The following PDZRN3 variants were observed in gnomAD, a reference collection of about 807,000 sequenced individuals.
PDZRN3 encodes PDZ domain containing ring finger 3.
Under a neutral mutation model 85.7 loss-of-function variants are expected in PDZRN3, and 38 were observed. The ratio of observed to expected loss-of-function variants is 0.44; its 90% CI spans 0.34 to 0.58. PDZRN3 has a LOEUF of 0.58. PDZRN3 is among the 20% of genes least tolerant of loss of function. The pLI, the probability that PDZRN3 is intolerant of heterozygous loss-of-function variation, is 0.01. For missense variants in PDZRN3, 1,629 were observed against 1,506.4 expected, an observed-to-expected ratio of 1.08 and a Z score of -1.35; for synonymous variants, 759 against 638.0, an observed-to-expected ratio of 1.19 and a Z score of -2.86.
intron 3 of PDZRN3, among the ~76,000 whole-genome samples, chr3:73,442,245 G>C (rs1022445552): frequency 2.6e-5 from 4 of 152,186 alleles, no homozygotes; most frequent in African/African-American, 9.7e-5. Flanking sequence ...GAAACCAATG[G>C]AGATGCATGG....
At chr3:73,540,087 GAAAAAA>G (rs1168662549) in intron 3 of PDZRN3, among the ~76,000 whole-genome samples, 270 of 50,072 alleles carry the variant, frequency 5.4e-3, no homozygotes, top group African/African-American at 0.019. Context: ...ACTGTTGGAT[GAAAAAA>G]AAAAAAAAAA....
intron 3 of PDZRN3, among the ~76,000 whole-genome samples, chr3:73,476,577 C>T (rs576018583): frequency 8.3e-4 from 126 of 152,304 alleles, no homozygotes; most frequent in Non-Finnish European, 9.8e-4. Flanking sequence ...GTGTGACCAA[C>T]AGAAGATGGC....
chr3:73,489,730 G>A (rs977434656), intron 3 of PDZRN3, among the ~76,000 whole-genome samples: 2 of 151,886 alleles, frequency 1.3e-5, no homozygotes, highest in African/African-American at 4.8e-5. Flanking sequence ...CCACCACCAT[G>A]CTGGGCTAAT....
chr3:73,474,605 T>A, intron 3 of PDZRN3: 1 of 1,266,644 alleles, frequency 7.9e-7, no homozygotes, highest in Non-Finnish European at 1.0e-6. Context: ...CTAAGCTTGG[T>A]TTATGTTGAG....
chr3:73,488,147 C>T (rs373848372), intron 3 of PDZRN3, among the ~76,000 whole-genome samples: 2 of 152,242 alleles, frequency 1.3e-5, no homozygotes, highest in South Asian at 2.1e-4. Flanking sequence ...GATGAAACCC[C>T]GTTTTAAGGA....
chr3:73,528,504 C>T (rs1311486023), intron 3 of PDZRN3, among the ~76,000 whole-genome samples: 1 of 152,020 alleles, frequency 6.6e-6, no homozygotes, highest in Non-Finnish European at 1.5e-5. Flanking sequence ...GATAAACTGT[C>T]AAGAATAAAC....
intron 3 of PDZRN3, among the ~76,000 whole-genome samples, chr3:73,405,867 T>C (rs544951452): frequency 2.0e-5 from 3 of 152,330 alleles, no homozygotes; most frequent in Admixed American, 1.3e-4. Context: ...AACATAAGTA[T>C]TGGTTGTAAA....
At position 73,404,327 on chromosome 3, in the gene PDZRN3, C is replaced by G. The variant is rs1701811577; in HGVS notation, c.987G>C (p.Glu329Asp). Residue 329 changes from glutamate (E) to aspartate (D), a missense_variant, in exon 4 of 10, where the codon GAG (glutamate) becomes GAC (aspartate). Coordinates refer to ENST00000263666, the MANE Select transcript of PDZRN3 (RefSeq NM_015009.3). ...TTCTCAACACCTGCACCACTATGGG[C>G]TCCTTGGCTGTCTTGAAAGCTTCCA... ...QAVEAFKTAK[E>D]PIVVQVLRRT... 6.2e-7 allele frequency: 1 copy of G among 1,614,172 alleles called. No individual in the cohort carries two copies. Among genetic ancestry groups the G allele is most frequent in the Non-Finnish European group, 8.5e-7 (1 of 1,180,016 alleles).
chr3:73,447,258 T>C (rs1702768958), intron 3 of PDZRN3, among the ~76,000 whole-genome samples: 1 of 151,986 alleles, frequency 6.6e-6, no homozygotes. Flanking sequence ...TCTTAGTCTG[T>C]GCAGGAAATC....
At chr3:73,506,822 C>T (rs749265082) in intron 3 of PDZRN3, among the ~76,000 whole-genome samples, 2 of 151,458 alleles carry the variant, frequency 1.3e-5, no homozygotes, top group African/African-American at 4.9e-5. Context: ...AGGAGGATGG[C>T]TTGAGCCCAG....
intron 7 of PDZRN3, among the ~76,000 whole-genome samples, chr3:73,389,226 G>C (rs536369831): frequency 6.6e-6 from 1 of 152,236 alleles, no homozygotes; most frequent in East Asian, 1.9e-4. Context: ...TGAGATTAAA[G>C]AAGGTTGTAG....
Position 73,624,641 on chromosome 3 carries a change from GC to G in PDZRN3, c.184del (p.Ala62ProfsTer89). The G allele has an allele frequency of 6.5e-7, 1 of 1,549,812 alleles. No individual in the cohort carries two copies. The highest frequency in any genetic ancestry group is 8.7e-7 in the Non-Finnish European group (1 of 1,151,670). On this transcript the variant is annotated frameshift_variant, in exon 1 of 10. Coordinates refer to ENST00000263666, the MANE Select transcript of PDZRN3 (RefSeq NM_015009.3). LOFTEE classifies it high-confidence loss of function. Reference protein sequence around the residue: ...CPARCRGRLSAKELNHVLPLK... With the variant: ...CPARCRGRLSXKELNHVLPLK... ...CGGCAGGACGTGGTTGAGCTCTTTG[GC>G]CGACAGGCGACCGCGGCAGCGCGCC...
intron 3 of PDZRN3, among the ~76,000 whole-genome samples, chr3:73,522,244 A>G (rs1246987904): frequency 6.6e-6 from 1 of 152,234 alleles, no homozygotes; most frequent in African/African-American, 2.4e-5. Context: ...CCTGATCGAC[A>G]GTAACACTAA....
intron 3 of PDZRN3, among the ~76,000 whole-genome samples, chr3:73,512,294 A>C (rs903737450): frequency 6.6e-6 from 1 of 152,254 alleles, no homozygotes; most frequent in Non-Finnish European, 1.5e-5. Flanking sequence ...ACCACTAGGA[A>C]CGCACTTTAC....
intron 3 of PDZRN3, among the ~76,000 whole-genome samples, chr3:73,497,229 T>G (rs1703883669): frequency 6.6e-6 from 1 of 152,144 alleles, no homozygotes; most frequent in Middle Eastern, 3.4e-3. Context: ...GAAAAAAAAA[T>G]GTACATTTGG....
chr3:73,412,534 G>T (rs548355746), intron 3 of PDZRN3, among the ~76,000 whole-genome samples: 11 of 152,336 alleles, frequency 7.2e-5, no homozygotes, highest in Admixed American at 7.2e-4. Flanking sequence ...GCATGAAGAT[G>T]CAGAGGAGCA....
intron 3 of PDZRN3, among the ~76,000 whole-genome samples, chr3:73,468,878 T>C (rs1703276752): frequency 1.3e-5 from 2 of 152,044 alleles, no homozygotes; most frequent in Admixed American, 1.3e-4. Flanking sequence ...ATTTGAGAAA[T>C]GGGATCATTA....
At chr3:73,433,489 A>AAAT in intron 3 of PDZRN3, 1 of 596,640 alleles carries the variant, frequency 1.7e-6, no homozygotes. Flanking sequence ...ACTTAAGAGA[A>AAAT]AATACACAAA....
At chr3:73,510,057 G>A (rs1328048530) in intron 3 of PDZRN3, among the ~76,000 whole-genome samples, 1 of 152,142 alleles carries the variant, frequency 6.6e-6, no homozygotes, top group Non-Finnish European at 1.5e-5. Context: ...AGGAGGAGAG[G>A]CCCTCAAACA....
Sources: gnomAD v4.1 joint callset for allele counts (sites outside exome capture counted in the v4.1 genomes callset) on GRCh38, gnomAD v4.1.1 for gene constraint, MANE v1.5 for transcripts, NCBI Gene and HGNC (gene_info 2026-07-23, HGNC 2026-07-21) for gene names.